The following ARHGAP10 variants were observed in gnomAD, a reference collection of about 807,000 sequenced individuals.
ARHGAP10 encodes the protein Rho GTPase activating protein 10.
Under a neutral mutation model 108.6 loss-of-function variants are expected in ARHGAP10, and 87 were observed. That is an observed-to-expected ratio of 0.80 (90% CI 0.67 to 0.96). The LOEUF (loss-of-function observed/expected upper bound fraction) is 0.96. Ranked by LOEUF, ARHGAP10 falls within the 40% of genes least tolerant of loss-of-function variation. ARHGAP10 has a pLI of 0.00. For missense variants in ARHGAP10, 939 were observed against 954.5 expected (o/e 0.98, Z 0.21); for synonymous variants, 347 against 341.1 (o/e 1.02, Z -0.19).
At chr4:147,937,715 C>T (rs559845836) in intron 13 of ARHGAP10, among the ~76,000 whole-genome samples, 170 of 152,322 alleles carry the variant, frequency 1.1e-3, no homozygotes, top group Non-Finnish European at 2.0e-3. Flanking sequence ...CGTATTGGCT[C>T]ATGCCTGTAA....
At chr4:147,940,426 T>C (rs1207449443) in intron 14 of ARHGAP10, among the ~76,000 whole-genome samples, 1 of 152,210 alleles carries the variant, frequency 6.6e-6, no homozygotes, top group Non-Finnish European at 1.5e-5. Flanking sequence ...CATCGCAGAC[T>C]AGAGGAAGCC....
chr4:147,940,132 T>C (rs1738118064), intron 14 of ARHGAP10, among the ~76,000 whole-genome samples: 1 of 152,228 alleles, frequency 6.6e-6, no homozygotes, highest in African/African-American at 2.4e-5. Context: ...CACCCCCTGG[T>C]TGACTATCTT....
intron 10 of ARHGAP10, among the ~76,000 whole-genome samples, chr4:147,900,941 T>C (rs1173668109): frequency 6.6e-6 from 1 of 152,244 alleles, no homozygotes; most frequent in Non-Finnish European, 1.5e-5. Flanking sequence ...GTTTATTTTT[T>C]ATTTAAATGC....
intron 3 of ARHGAP10, among the ~76,000 whole-genome samples, chr4:147,837,027 T>A: frequency 1.3e-5 from 2 of 152,332 alleles, no homozygotes; most frequent in Middle Eastern, 6.8e-3. Context: ...CGAAATCGAT[T>A]GTGAAACTTT....
intron 5 of ARHGAP10, chr4:147,864,632 G>A (rs1229460528): frequency 2.1e-6 from 1 of 470,708 alleles, no homozygotes; most frequent in African/African-American, 2.0e-5. Flanking sequence ...GGACCATAAA[G>A]TTCCTGTTGC....
At chr4:147,826,432 G>A (rs1732709714) in intron 3 of ARHGAP10, among the ~76,000 whole-genome samples, 1 of 152,152 alleles carries the variant, frequency 6.6e-6, no homozygotes, top group Non-Finnish European at 1.5e-5. Flanking sequence ...ATGAACCTTA[G>A]GAGTGGTGTG....
chr4:147,791,968 G>A lies in ARHGAP10; in HGVS notation c.155-30759G>A, dbSNP rs150863512. ...TTCATTAATGTAAATAGCACTGCTG[G>A]TGAACATTCTTATACATGTCTCCTG... On this transcript the variant is annotated intron_variant, in intron 1 of 22. Transcript: ENST00000336498. Among the ~76,000 whole-genome samples, 3 of 152,282 alleles carry A rather than the reference G, an allele frequency of 2.0e-5. No homozygotes were observed. The East Asian group carries it at 5.8e-4, about 29-fold the overall frequency.
intron 10 of ARHGAP10, among the ~76,000 whole-genome samples, chr4:147,906,037 A>G (rs4835108): frequency 0.94 from 143,821 of 152,260 alleles, 68,388 homozygotes; most frequent in Non-Finnish European, 1. Flanking sequence ...CTCTTTGTCT[A>G]TTATTTGTGT....
chr4:147,995,671 G>A (rs917094926), intron 18 of ARHGAP10, among the ~76,000 whole-genome samples: 3 of 152,102 alleles, frequency 2.0e-5, no homozygotes, highest in African/African-American at 4.8e-5. Context: ...AGAGACAAAG[G>A]CTAGAGACCA....
chr4:148,027,391 G>A (rs1727918609), intron 19 of ARHGAP10, among the ~76,000 whole-genome samples: 1 of 152,154 alleles, frequency 6.6e-6, no homozygotes, highest in African/African-American at 2.4e-5. Flanking sequence ...GGTATCGTCG[G>A]GTTGGCACTT....
chr4:148,067,876 G>T (rs1253515392), intron 22 of ARHGAP10, among the ~76,000 whole-genome samples: 1 of 152,162 alleles, frequency 6.6e-6, no homozygotes, highest in Non-Finnish European at 1.5e-5. Context: ...CTCTTACTGG[G>T]TGGGCCTGGA....
intron 10 of ARHGAP10, among the ~76,000 whole-genome samples, chr4:147,899,582 T>G (rs150334217): frequency 6.6e-6 from 1 of 152,268 alleles, no homozygotes; most frequent in African/African-American, 2.4e-5. Context: ...TGAATTCACT[T>G]TCATTGGAAC....
At chr4:147,858,995 C>T (rs182615433) in intron 5 of ARHGAP10, among the ~76,000 whole-genome samples, 10 of 152,172 alleles carry the variant, frequency 6.6e-5, no homozygotes, top group Admixed American at 6.5e-5. Context: ...ATGACTCGCT[C>T]TTCTCCAAAC....
rs555023242 is a variant in ARHGAP10 at position 147,825,918 on chromosome 4, C to T, written c.312+2961C>T. ...AAGGCAAAGAAAGCAAAAGTCTCTGCCTTCATGGAGGTTAGATTCTAGGCG... is the reference window on the plus strand; with the variant it reads ...AAGGCAAAGAAAGCAAAAGTCTCTGTCTTCATGGAGGTTAGATTCTAGGCG... On this transcript the variant is annotated intron_variant, in intron 3 of 22. Coordinates refer to ENST00000336498, the MANE Select transcript of ARHGAP10 (RefSeq NM_024605.4). 2.6e-5 allele frequency among the ~76,000 whole-genome samples: 4 copies of T among 152,278 alleles called. No individual in the cohort carries two copies. In the East Asian group the frequency reaches 7.7e-4, roughly 29 times the overall value.
intron 7 of ARHGAP10, among the ~76,000 whole-genome samples, chr4:147,874,386 C>T (rs1345603966): frequency 6.6e-6 from 1 of 152,136 alleles, no homozygotes; most frequent in Non-Finnish European, 1.5e-5. Flanking sequence ...TATTGGCACA[C>T]CAAGTGTCCT....
At chr4:147,986,583 A>T (rs1740051999) in intron 18 of ARHGAP10, among the ~76,000 whole-genome samples, 1 of 152,124 alleles carries the variant, frequency 6.6e-6, no homozygotes, top group Admixed American at 6.5e-5. Context: ...CTCCAGGGTG[A>T]CGTACACCCC....
intron 13 of ARHGAP10, among the ~76,000 whole-genome samples, chr4:147,922,542 G>A (rs1220627421): frequency 1.3e-5 from 2 of 151,214 alleles, no homozygotes; most frequent in Non-Finnish European, 2.9e-5. Context: ...ACAAAAAATA[G>A]CCGGGCGTAG....
intron 15 of ARHGAP10, 102 bp downstream of exon 15, chr4:147,946,806 C>T (rs1738400901): frequency 1.0e-6 from 1 of 953,558 alleles, no homozygotes; most frequent in East Asian, 3.1e-5. Context: ...TAAATTAAGC[C>T]TTATTTTAAA....
intron 3 of ARHGAP10, among the ~76,000 whole-genome samples, chr4:147,844,506 C>T (rs1418937968): frequency 6.6e-6 from 1 of 152,190 alleles, no homozygotes; most frequent in Non-Finnish European, 1.5e-5. Flanking sequence ...CTTCTGGTAA[C>T]AACCCTTCTA....
Sources: gnomAD v4.1 joint callset for allele counts (sites outside exome capture counted in the v4.1 genomes callset) on GRCh38, gnomAD v4.1.1 for gene constraint, MANE v1.5 for transcripts, NCBI Gene and HGNC (gene_info 2026-07-23, HGNC 2026-07-21) for gene names.